The following PATJ variants were observed in gnomAD, a reference collection of about 807,000 sequenced individuals.
PATJ encodes the protein inaD-like protein.
In PATJ, 190 loss-of-function variants were observed where a neutral mutation model predicts 224.9. The ratio of observed to expected loss-of-function variants is 0.84; its 90% CI spans 0.75 to 0.95. PATJ has a LOEUF of 0.95. Among genes scored for constraint, PATJ ranks in the 40% least tolerant of loss-of-function variants. The pLI, the probability that PATJ is intolerant of heterozygous loss-of-function variation, is 0.00. For synonymous variants in PATJ, 769 were observed against 820.3 expected (o/e 0.94, Z 1.07); for missense variants, 2,121 against 2,270.3 (o/e 0.93, Z 1.34).
intron 31 of PATJ, among the ~76,000 whole-genome samples, chr1:62,061,850 G>A (rs1655511018): frequency 6.6e-6 from 1 of 151,916 alleles, no homozygotes; most frequent in African/African-American, 2.4e-5. Flanking sequence ...TAGTAAAGAT[G>A]GGGTTTCACC....
intron 1 of PATJ, among the ~76,000 whole-genome samples, chr1:61,760,619 C>CT (rs200693394): frequency 0.26 from 35,769 of 135,356 alleles, 4,865 homozygotes; most frequent in East Asian, 0.42. Context: ...TTTTCTTTTT[C>CT]TTTTTTTTTT....
Position 62,133,045 on chromosome 1 carries a change from A to G in PATJ, c.5271+4100A>G, listed in dbSNP as rs531395107. 2.0e-5 allele frequency among the ~76,000 whole-genome samples: 3 copies of G among 152,340 alleles called. No homozygotes were observed. In the East Asian group the frequency reaches 5.8e-4, roughly 29 times the overall value. ...AGGAAACAAGTAGAACTTAGAAATG[A>G]TGTAACAGTTAAGTGGAAGAGTTTG... is the stretch of plus-strand genomic sequence containing the variant. On this transcript the variant is annotated intron_variant, in intron 41 of 43. Transcript: ENST00000642238.
At chr1:61,954,592 G>A (rs1234215932) in intron 27 of PATJ, among the ~76,000 whole-genome samples, 1 of 152,166 alleles carries the variant, frequency 6.6e-6, no homozygotes, top group Non-Finnish European at 1.5e-5. Flanking sequence ...AGCAGTTAAA[G>A]TTACTTTCTT....
intron 4 of PATJ, among the ~76,000 whole-genome samples, chr1:61,767,672 TC>T (rs1464712658): frequency 2.8e-5 from 4 of 141,764 alleles, no homozygotes; most frequent in African/African-American, 5.1e-5. Flanking sequence ...TCTTTCCTTT[TC>T]TTTTCTTTTT....
rs183155958 is a variant in PATJ, at chr1:61,827,875, C to T, written c.1980+292C>T. 7.2e-5 allele frequency among the ~76,000 whole-genome samples: 11 copies of T among 152,232 alleles called. No individual in the cohort carries two copies. In the East Asian group the frequency reaches 7.7e-4, roughly 11 times the overall value. ...TCATTACTTTTGGCTTCTAGTTCAACGCAGTTTGTCTTATATAAGTTTAAG... is the reference window on the plus strand; with the variant it reads ...TCATTACTTTTGGCTTCTAGTTCAATGCAGTTTGTCTTATATAAGTTTAAG... On this transcript the variant is annotated intron_variant, in intron 16 of 43. Transcript: ENST00000642238.
intron 21 of PATJ, among the ~76,000 whole-genome samples, chr1:61,883,070 G>A (rs374032942): frequency 1.8e-4 from 28 of 152,202 alleles, no homozygotes; most frequent in African/African-American, 6.7e-4. Flanking sequence ...ATATATACAT[G>A]TTTCAACATA....
At chr1:61,901,237 A>G (rs763779474) in intron 23 of PATJ, 45 bp from the exon 24 acceptor site, 5 of 1,284,328 alleles carry the variant, frequency 3.9e-6, no homozygotes, top group Non-Finnish European at 5.3e-6. Flanking sequence ...AGTCCAACAG[A>G]TTAAACTTGT....
chr1:62,147,358 G>A (rs1024307680), intron 41 of PATJ, among the ~76,000 whole-genome samples: 2 of 152,158 alleles, frequency 1.3e-5, no homozygotes, highest in Admixed American at 1.3e-4. Flanking sequence ...ACGAAGAAAT[G>A]AAGAAAATAG....
chr1:62,071,763 A>C (rs995179776), intron 31 of PATJ, among the ~76,000 whole-genome samples: 7 of 152,222 alleles, frequency 4.6e-5, no homozygotes, highest in African/African-American at 1.7e-4. Flanking sequence ...CTGGGATTAC[A>C]GGCGTGAACC....
intron 33 of PATJ, among the ~76,000 whole-genome samples, chr1:62,099,172 C>G (rs939747663): frequency 1.3e-5 from 2 of 152,062 alleles, no homozygotes; most frequent in African/African-American, 4.8e-5. Context: ...AGAAAGTCAT[C>G]TACTGTGTAG....
intron 7 of PATJ, among the ~76,000 whole-genome samples, chr1:61,776,570 G>A (rs1434955158): frequency 6.6e-6 from 1 of 151,864 alleles, no homozygotes; most frequent in East Asian, 1.9e-4. Context: ...TGTCAAAATG[G>A]GAAGTACCAC....
At chr1:62,131,864 GAATT>G (rs1045549754) in intron 41 of PATJ, among the ~76,000 whole-genome samples, 4 of 118,466 alleles carry the variant, frequency 3.4e-5, no homozygotes, top group Non-Finnish European at 7.0e-5. Context: ...TAGGATGAAT[GAATT>G]ATTATTTTTT....
rs547536755 is a variant in PATJ at position 61,771,157 on chromosome 1, C to T, written c.525-274C>T. 1.0e-3 allele frequency among the ~76,000 whole-genome samples: 152 copies of T among 152,018 alleles called. 1 individual carries two copies. The South Asian group carries it at 0.017, about 17-fold the overall frequency. ...AGTGTCCATACTTGCAAAACCTTGG[C>T]GGTGGGGTCCTATAGATTGTTTTTG... is the stretch of plus-strand genomic sequence containing the variant. On this transcript the variant is annotated intron_variant, in intron 5 of 43. Transcript: ENST00000642238.
chr1:62,001,964 T>C (rs1168495070), intron 28 of PATJ, among the ~76,000 whole-genome samples: 1 of 152,150 alleles, frequency 6.6e-6, no homozygotes, highest in East Asian at 1.9e-4. Context: ...TGAGTTGGGT[T>C]TTTCTCTTTC....
chr1:61,844,554 C>A (rs1661619656), intron 17 of PATJ, among the ~76,000 whole-genome samples: 1 of 152,120 alleles, frequency 6.6e-6, no homozygotes, highest in Admixed American at 6.5e-5. Context: ...AGACCATATT[C>A]ACATAAATTT....
chr1:61,911,433 C>T (rs1280886286), intron 25 of PATJ, among the ~76,000 whole-genome samples: 6 of 152,010 alleles, frequency 3.9e-5, no homozygotes, highest in African/African-American at 1.4e-4. Flanking sequence ...AGGCTGGTTT[C>T]GAACTCCTGA....
At chr1:61,885,904 G>A (rs997505317) in intron 22 of PATJ, among the ~76,000 whole-genome samples, 25 of 151,118 alleles carry the variant, frequency 1.7e-4, no homozygotes, top group Admixed American at 4.6e-4. Flanking sequence ...GGAAATCATC[G>A]TTCTCAGTAA....
At chr1:61,900,950 A>C (rs1671074186) in intron 23 of PATJ, among the ~76,000 whole-genome samples, 1 of 152,174 alleles carries the variant, frequency 6.6e-6, no homozygotes, top group East Asian at 1.9e-4. Flanking sequence ...ATTCTTTGCT[A>C]ATGTTATGGA....
intron 27 of PATJ, among the ~76,000 whole-genome samples, chr1:61,984,247 C>A (rs576681260): frequency 2.0e-5 from 3 of 151,186 alleles, no homozygotes; most frequent in African/African-American, 7.3e-5. Context: ...TGCAACCTCC[C>A]CCTCCTGGGT....
Sources: allele counts gnomAD v4.1 joint callset (sites outside exome capture counted in the v4.1 genomes callset), GRCh38; gene constraint gnomAD v4.1.1; transcripts MANE v1.5; gene names NCBI Gene and HGNC (gene_info 2026-07-23, HGNC 2026-07-21).